Variants in CNTN5 observed in about 807,000 individuals in gnomAD.
CNTN5 encodes the protein contactin 5.
Under a neutral mutation model 129.1 loss-of-function variants are expected in CNTN5, and 77 were observed. The observed-to-expected ratio is 0.60, with a 90% CI of 0.50 to 0.72. CNTN5 has a LOEUF of 0.72. Ranked by LOEUF, CNTN5 falls within the 30% of genes least tolerant of loss-of-function variation. The pLI is 0.00. For synonymous variants in CNTN5, 509 were observed against 465.6 expected (o/e 1.09, Z -1.20); for missense variants, 1,478 against 1,328.8 (o/e 1.11, Z -1.75).
chr11:99,600,215 C>T (rs1467616325), intron 3 of CNTN5, among the ~76,000 whole-genome samples: 1 of 151,518 alleles, frequency 6.6e-6, no homozygotes, highest in Non-Finnish European at 1.5e-5. Flanking sequence ...TCCTCATGTA[C>T]TCCATAAATT....
At chr11:99,383,879 A>T (rs1940757869) in intron 2 of CNTN5, among the ~76,000 whole-genome samples, 1 of 152,202 alleles carries the variant, frequency 6.6e-6, no homozygotes, top group African/African-American at 2.4e-5. Context: ...ACTGCTGGGT[A>T]CAGCACTGCC....
At chr11:99,902,495 T>A (rs1031423942) in intron 6 of CNTN5, among the ~76,000 whole-genome samples, 1 of 152,102 alleles carries the variant, frequency 6.6e-6, no homozygotes, top group African/African-American at 2.4e-5. Flanking sequence ...AAAAAATGTA[T>A]CACTAGTAAA....
intron 1 of CNTN5, among the ~76,000 whole-genome samples, chr11:99,122,521 A>C (rs891887782): frequency 2.0e-5 from 3 of 152,072 alleles, no homozygotes; most frequent in Admixed American, 6.6e-5. Context: ...TAATTTTTTT[A>C]TATAGCAGCA....
intron 13 of CNTN5, among the ~76,000 whole-genome samples, chr11:100,178,314 TC>T (rs1279355069): frequency 6.6e-6 from 1 of 152,146 alleles, no homozygotes; most frequent in Non-Finnish European, 1.5e-5. Context: ...TGAATTCTCC[TC>T]CTTTGCTCAT....
At chr11:99,119,250 A>C (rs928421683) in intron 1 of CNTN5, among the ~76,000 whole-genome samples, 3 of 152,162 alleles carry the variant, frequency 2.0e-5, no homozygotes, top group Non-Finnish European at 4.4e-5. Context: ...CCAGGTATTA[A>C]GCCTAATATC....
At chr11:99,273,034 A>G (rs146586161) in intron 1 of CNTN5, among the ~76,000 whole-genome samples, 10 of 151,974 alleles carry the variant, frequency 6.6e-5, no homozygotes, top group South Asian at 4.1e-4. Context: ...TTTATACAAT[A>G]CAAATAACAA....
intron 13 of CNTN5, among the ~76,000 whole-genome samples, chr11:100,175,777 A>G (rs1947946194): frequency 2.0e-5 from 3 of 152,156 alleles, no homozygotes; most frequent in Admixed American, 2.0e-4. Flanking sequence ...GGTTAGAAGC[A>G]TTACATGAAA....
At chr11:99,166,555 A>G (rs980478762) in intron 1 of CNTN5, among the ~76,000 whole-genome samples, 6 of 152,148 alleles carry the variant, frequency 3.9e-5, no homozygotes, top group African/African-American at 1.4e-4. Context: ...AGAGGGAGTA[A>G]AAGACAACCT....
intron 1 of CNTN5, among the ~76,000 whole-genome samples, chr11:99,028,956 A>G (rs1863230869): frequency 6.6e-6 from 1 of 151,834 alleles, no homozygotes; most frequent in Non-Finnish European, 1.5e-5. Context: ...TATAGCTAAC[A>G]TAGGGAGTCA....
chr11:99,468,833 C>G (rs185707289), intron 2 of CNTN5, among the ~76,000 whole-genome samples: 39 of 151,502 alleles, frequency 2.6e-4, no homozygotes, highest in African/African-American at 9.0e-4. Flanking sequence ...CTCCCAGGTT[C>G]AAGCGATTCT....
chr11:99,298,455 C>T (rs1219023526), intron 1 of CNTN5, among the ~76,000 whole-genome samples: 6 of 152,134 alleles, frequency 3.9e-5, no homozygotes, highest in African/African-American at 1.4e-4. Context: ...TTGGTCGACA[C>T]TCAGCCACTG....
chr11:99,508,342 T>C (rs1417366285), intron 2 of CNTN5, among the ~76,000 whole-genome samples: 2 of 152,212 alleles, frequency 1.3e-5, no homozygotes, highest in Admixed American at 1.3e-4. Context: ...TTTTAAAATA[T>C]TTTATAATTT....
In CNTN5 at chr11:99,829,482, T is replaced by C. The variant is rs141570450; in HGVS notation, c.277+9717T>C. On this transcript the variant is annotated intron_variant, in intron 4 of 24. Coordinates refer to ENST00000524871, the MANE Select transcript of CNTN5 (RefSeq NM_014361.4). ...TGAAGAGATACACATAGTCAATGAA[T>C]AAAAACTTCTGAGCTAGTCTCATAA... Among the ~76,000 whole-genome samples, 182 of 152,234 alleles carry C rather than the reference T, an allele frequency of 1.2e-3. 1 individual carries two copies. Among genetic ancestry groups the C allele is most frequent in the African/African-American group, 4.2e-3 (176 of 41,564 alleles).
rs915790772 is a variant in CNTN5, at chr11:99,286,311, G to A, written c.-209-39035G>A. Among the ~76,000 whole-genome samples the A allele has an allele frequency of 5.3e-5, 8 of 152,038 alleles. No homozygotes were observed. In the East Asian group the frequency reaches 5.8e-4, roughly 11 times the overall value. ...CTATTATTCAGATTGCTGTTATCCC[G>A]TTTCCAACTCATCTAACATCCTGAG... On this transcript the variant is annotated intron_variant, in intron 1 of 24. Coordinates refer to ENST00000524871, the MANE Select transcript of CNTN5 (RefSeq NM_014361.4).
In CNTN5 at chr11:99,490,887, A is replaced by G. The variant is rs1460592428; in HGVS notation, c.-70-65258A>G. On this transcript the variant is annotated intron_variant, in intron 2 of 24. Transcript: ENST00000524871. ...AGGGAATCCTCTGGGCAGGAGCTGCAGGCATGAGGCACAGTTGTTGAAGTT... is the reference window on the plus strand; with the variant it reads ...AGGGAATCCTCTGGGCAGGAGCTGCGGGCATGAGGCACAGTTGTTGAAGTT... 5.3e-5 allele frequency among the ~76,000 whole-genome samples: 8 copies of G among 152,232 alleles called. No homozygotes were observed. In the East Asian group the frequency reaches 1.5e-3, roughly 29 times the overall value.
At chr11:100,348,550 G>T (rs1376471320) in intron 23 of CNTN5, among the ~76,000 whole-genome samples, 1 of 151,902 alleles carries the variant, frequency 6.6e-6, no homozygotes, top group Non-Finnish European at 1.5e-5. Flanking sequence ...CATAAGAAAT[G>T]TAATTTATTG....
chr11:99,840,593 A>C (rs1230818780), intron 4 of CNTN5, among the ~76,000 whole-genome samples: 1 of 152,124 alleles, frequency 6.6e-6, no homozygotes, highest in Non-Finnish European at 1.5e-5. Context: ...TGTTCAGCCA[A>C]CTACAGATAC....
At chr11:100,109,391 C>A (rs1394824594) in intron 13 of CNTN5, among the ~76,000 whole-genome samples, 1 of 152,110 alleles carries the variant, frequency 6.6e-6, no homozygotes, top group East Asian at 1.9e-4. Flanking sequence ...GCGCCGCTGT[C>A]CTCTAGCCTG....
chr11:99,581,657 C>T (rs988762040), intron 3 of CNTN5, among the ~76,000 whole-genome samples: 3 of 152,076 alleles, frequency 2.0e-5, no homozygotes, highest in African/African-American at 7.2e-5. Context: ...ATTGCAACCC[C>T]TGCCTTTTTT....
Sources: gnomAD v4.1 joint callset for allele counts (sites outside exome capture counted in the v4.1 genomes callset) on GRCh38, gnomAD v4.1.1 for gene constraint, MANE v1.5 for transcripts, NCBI Gene and HGNC (gene_info 2026-07-23, HGNC 2026-07-21) for gene names.